Variants in EPSTI1 observed in about 807,000 individuals in gnomAD.
EPSTI1 encodes the protein epithelial stromal interaction 1, also known as epithelial-stromal interaction protein 1.
Under a neutral mutation model 49.9 loss-of-function variants are expected in EPSTI1, and 66 were observed. The ratio of observed to expected loss-of-function variants is 1.32; its 90% CI spans 1.08 to 1.62. The LOEUF (loss-of-function observed/expected upper bound fraction) is 1.62, where lower values mean the gene tolerates loss of function less well. Among genes scored for constraint, EPSTI1 ranks in the 40% most tolerant of loss-of-function variants. The probability of loss-of-function intolerance (pLI) is 0.00; values close to 1 mark genes in which losing one functional copy is unlikely to be tolerated. For missense variants in EPSTI1, 394 were observed against 365.5 expected, an observed-to-expected ratio of 1.08 and a Z score of -0.64; for synonymous variants, 137 against 130.7, an observed-to-expected ratio of 1.05 and a Z score of -0.33.
chr13:42,893,288 A>G (rs1359299490), intron 10 of EPSTI1, among the ~76,000 whole-genome samples: 5 of 152,210 alleles, frequency 3.3e-5, no homozygotes, highest in Admixed American at 2.0e-4. Flanking sequence ...TCAGCAATTC[A>G]GTAGAGAGGA....
At chr13:42,914,765 C>T (rs554537168) in intron 8 of EPSTI1, among the ~76,000 whole-genome samples, 2 of 152,230 alleles carry the variant, frequency 1.3e-5, no homozygotes, top group Admixed American at 1.3e-4. Flanking sequence ...GAGAAGTTCA[C>T]GTGTGCTCTA....
At chr13:42,894,888 C>A in intron 10 of EPSTI1, 121 bp downstream of exon 10, 1 of 819,088 alleles carries the variant, frequency 1.2e-6, no homozygotes, top group South Asian at 1.7e-5. Flanking sequence ...CATCACACTG[C>A]CAAACAGCAC....
intron 7 of EPSTI1, among the ~76,000 whole-genome samples, chr13:42,917,963 A>G (rs2037885755): frequency 6.6e-6 from 1 of 152,216 alleles, no homozygotes; most frequent in African/African-American, 2.4e-5. Flanking sequence ...ATTTTCAAGA[A>G]TATTCCGACT....
chr13:42,903,368 T>C (rs1386414111), intron 8 of EPSTI1, among the ~76,000 whole-genome samples: 1 of 152,034 alleles, frequency 6.6e-6, no homozygotes, highest in Non-Finnish European at 1.5e-5. Context: ...AAAGATATCA[T>C]ATGAGAACAC....
intron 1 of EPSTI1, among the ~76,000 whole-genome samples, chr13:42,985,109 G>T (rs2040054390): frequency 6.6e-6 from 1 of 152,130 alleles, no homozygotes; most frequent in Admixed American, 6.6e-5. Flanking sequence ...AACAAGACTA[G>T]GTCTGATTAC....
chr13:42,974,253 T>C (rs1163476169), intron 1 of EPSTI1, among the ~76,000 whole-genome samples: 1 of 151,782 alleles, frequency 6.6e-6, no homozygotes, highest in East Asian at 1.9e-4. Context: ...GGAGAATCGC[T>C]TGATCCCAGG....
intron 1 of EPSTI1, among the ~76,000 whole-genome samples, chr13:42,980,869 T>C (rs2039975119): frequency 6.6e-6 from 1 of 152,250 alleles, no homozygotes; most frequent in African/African-American, 2.4e-5. Context: ...CAAGCAGATA[T>C]GACTTTACTT....
chr13:42,903,158 A>G (rs1306780248), intron 8 of EPSTI1, among the ~76,000 whole-genome samples: 2 of 152,188 alleles, frequency 1.3e-5, no homozygotes, highest in Non-Finnish European at 2.9e-5. Flanking sequence ...AGTATGACAC[A>G]AAGACAAAAA....
At chr13:42,953,736 C>G (rs558537345) in intron 6 of EPSTI1, among the ~76,000 whole-genome samples, 1 of 152,316 alleles carries the variant, frequency 6.6e-6, no homozygotes, top group East Asian at 1.9e-4. Context: ...GGGAATTTCT[C>G]AAATTTAGTG....
At chr13:42,898,123 T>A (rs920673267) in intron 9 of EPSTI1, among the ~76,000 whole-genome samples, 4 of 152,320 alleles carry the variant, frequency 2.6e-5, no homozygotes, top group Admixed American at 1.3e-4. Flanking sequence ...TCAAGCTCAT[T>A]ACAGGTTCAT....
At chr13:42,908,485 A>G (rs1230710673) in intron 8 of EPSTI1, among the ~76,000 whole-genome samples, 7 of 53,028 alleles carry the variant, frequency 1.3e-4, no homozygotes, top group East Asian at 3.7e-4. Context: ...CTCTGTTATG[A>G]AAAAAAAAAA....
chr13:42,968,921 T>TAC (rs71970864), intron 3 of EPSTI1, among the ~76,000 whole-genome samples, 173 bp downstream of exon 3: 1,279 of 117,622 alleles, frequency 0.011, 26 homozygotes, highest in African/African-American at 0.032. Context: ...AAAAAAAAAA[T>TAC]ACACACACAC....
chr13:42,933,333 G>C (rs897240815), intron 6 of EPSTI1, among the ~76,000 whole-genome samples: 1 of 118,120 alleles, frequency 8.5e-6, no homozygotes, highest in African/African-American at 3.3e-5. Flanking sequence ...AAAAAAAAAA[G>C]AGTCTGCCTC....
rs1295193726 is a variant in EPSTI1, at chr13:42,992,150, T to C, written c.16A>G (p.Arg6Gly). 6.3e-7 allele frequency: 1 copy of C among 1,585,412 alleles called. No individual in the cohort carries two copies. Among genetic ancestry groups the C allele is most frequent in the Non-Finnish European group, 8.6e-7 (1 of 1,167,592 alleles). The change falls in exon 1 of 11, where the codon AGA (arginine) becomes GGA (glycine). Residue 6 changes from arginine to glycine, a missense_variant. Arg to Gly is a moderately radical substitution (Grantham distance 125, BLOSUM62 -2). Transcript: ENST00000313624. The part of the protein sequence containing the change: MNTRN[R>G]VVNSGLGASP... The stretch of plus-strand genomic sequence containing the variant: ...GCGCCGAGCCCGGAGTTCACCACTC[T>C]ATTGCGGGTGTTCATGGTTCACAGC...
chr13:42,931,861 C>A (rs2038386004), intron 6 of EPSTI1, among the ~76,000 whole-genome samples: 1 of 152,060 alleles, frequency 6.6e-6, no homozygotes, highest in South Asian at 2.1e-4. Context: ...AGTGAGCATC[C>A]TGGTATATAC....
intron 8 of EPSTI1, among the ~76,000 whole-genome samples, chr13:42,909,979 AG>A (rs1276602687): frequency 6.6e-6 from 1 of 152,214 alleles, no homozygotes; most frequent in Non-Finnish European, 1.5e-5. Flanking sequence ...AGTAACTGTG[AG>A]GTAATGCATT....
rs1470475340 is a variant in EPSTI1, at chr13:42,887,921, A to C, written c.*573T>G. ...CTATACGGCCTGGAAAAGGGAATTA[A>C]AATGAGACCCTTCAAGAGAGAAAAC... On this transcript the variant is annotated 3_prime_UTR_variant, in exon 11 of 11. Coordinates refer to ENST00000313624, the MANE Select transcript of EPSTI1 (RefSeq NM_033255.5). 5.5e-6 allele frequency: 1 copy of C among 180,486 alleles called. No homozygotes were observed. Among genetic ancestry groups the C allele is most frequent in the South Asian group, 1.5e-4 (1 of 6,844 alleles). 11.2% of individuals were successfully genotyped at this position (180,486 alleles called of 1,614,324 possible).
rs536874353 is a variant in EPSTI1 at position 42,941,366 on chromosome 13, CAGCT to C, written c.563+12578_563+12581del. On this transcript the variant is annotated intron_variant, in intron 6 of 10. Transcript: ENST00000313624. ...GCCAATAACAGTTTGTTATTCCAACCAGCTTTAAAGTTTTTAGTCTTTTATCTCA... is the reference window on the plus strand; with the variant it reads ...GCCAATAACAGTTTGTTATTCCAACCTTAAAGTTTTTAGTCTTTTATCTCA... Among the ~76,000 whole-genome samples the C allele has an allele frequency of 1.2e-3, 185 of 152,204 alleles. 1 individual carries two copies. The highest frequency in any genetic ancestry group is 3.8e-3 in the African/African-American group (159 of 41,546).
chr13:42,939,380 A>G (rs1261387916), intron 6 of EPSTI1, among the ~76,000 whole-genome samples: 1 of 152,216 alleles, frequency 6.6e-6, no homozygotes, highest in Non-Finnish European at 1.5e-5. Flanking sequence ...GGTTTTCAAC[A>G]TGCCTCCGCA....
Sources: gnomAD v4.1 joint callset for allele counts (sites outside exome capture counted in the v4.1 genomes callset) on GRCh38, gnomAD v4.1.1 for gene constraint, MANE v1.5 for transcripts, NCBI Gene and HGNC (gene_info 2026-07-23, HGNC 2026-07-21) for gene names.